SAMMSON: variants seen among roughly 807,000 people sequenced by gnomAD.
SAMMSON encodes survival associated mitochondrial melanoma specific oncogenic non-coding RNA.
chr3:70,033,068 T>G lies in SAMMSON; in HGVS notation n.417+19396T>G, dbSNP rs183228942. On this transcript the variant is annotated intron_variant and non_coding_transcript_variant, in intron 3 of 9. Transcript: ENST00000642114. ...CTGGAAGTATAAAGTGTCCAGTTACTTAATACTCCTGGGGGTAACATCTGA... is the reference window on the plus strand; with the variant it reads ...CTGGAAGTATAAAGTGTCCAGTTACGTAATACTCCTGGGGGTAACATCTGA... Among the ~76,000 whole-genome samples, 71 of 152,246 alleles carry G rather than the reference T, an allele frequency of 4.7e-4. 1 individual carries two copies. In the East Asian group the frequency reaches 0.01, roughly 22 times the overall value.
chr3:70,236,490 C>A (rs1701610274), intron 4 of SAMMSON, among the ~76,000 whole-genome samples: 1 of 152,118 alleles, frequency 6.6e-6, no homozygotes, highest in South Asian at 2.1e-4. Context: ...ATGTGTAAGC[C>A]TTCATGTATT....
intron 4 of SAMMSON, among the ~76,000 whole-genome samples, chr3:70,202,054 GTAGT>G (rs1701245367): frequency 1.3e-5 from 2 of 152,290 alleles, no homozygotes; most frequent in South Asian, 2.1e-4. Context: ...TGGTCTAATA[GTAGT>G]TAGTGACTAG....
intron 1 of SAMMSON, among the ~76,000 whole-genome samples, chr3:70,008,274 A>G (rs1208268162): frequency 6.6e-6 from 1 of 152,184 alleles, no homozygotes. Context: ...CTTCCTACCC[A>G]TGAGCATGGA....
intron 4 of SAMMSON, among the ~76,000 whole-genome samples, chr3:70,152,135 T>C (rs752053604): frequency 2.6e-5 from 4 of 151,972 alleles, no homozygotes; most frequent in Non-Finnish European, 5.9e-5. Context: ...GATACAGTTC[T>C]GGCACCTGTT....
At chr3:70,362,737 A>G (rs1022179698) in intron 9 of SAMMSON, among the ~76,000 whole-genome samples, 3 of 151,952 alleles carry the variant, frequency 2.0e-5, no homozygotes, top group Non-Finnish European at 4.4e-5. Flanking sequence ...ATTCTGTATA[A>G]ATAACTGTTA....
At chr3:70,108,440 T>TTTTTTTTTTTTTTTTTTTTTTA in intron 4 of SAMMSON, among the ~76,000 whole-genome samples, 2 of 148,488 alleles carry the variant, frequency 1.3e-5, no homozygotes, top group African/African-American at 5.0e-5. Flanking sequence ...TTTTTTTTTT[T>TTTTTTTTTTTTTTTTTTTTTTA]TATCATAACT....
chr3:70,082,176 G>T (rs2067270002), intron 4 of SAMMSON, among the ~76,000 whole-genome samples: 1 of 152,186 alleles, frequency 6.6e-6, no homozygotes, highest in South Asian at 2.1e-4. Flanking sequence ...TGGAGATCAT[G>T]GAGTGAACAA....
intron 4 of SAMMSON, among the ~76,000 whole-genome samples, chr3:70,228,841 T>A (rs1342789117): frequency 6.6e-6 from 1 of 152,138 alleles, no homozygotes; most frequent in African/African-American, 2.4e-5. Flanking sequence ...ATTCCTTAAT[T>A]CCTTTAGCTA....
chr3:70,108,423 C>CTTTTTTTTTTTTTTT lies in SAMMSON; in HGVS notation n.507+36862_507+36876dup, dbSNP rs61561713. On this transcript the variant is annotated intron_variant and non_coding_transcript_variant, in intron 4 of 9. Coordinates refer to ENST00000642114, the Ensembl canonical transcript of SAMMSON. ...TAGTGTTTCTCAACTCTTGCGGTTC[C>CTTTTTTTTTTTTTTT]TTTTTTTTTTTTTTTTTTATCATAA... 1.6e-3 allele frequency among the ~76,000 whole-genome samples: 145 copies of CTTTTTTTTTTTTTTT among 89,334 alleles called. 17 individuals are homozygous for CTTTTTTTTTTTTTTT. The highest frequency in any genetic ancestry group is 5.2e-3 in the South Asian group (10 of 1,910). 58.6% of individuals were successfully genotyped at this position (89,334 alleles called of 152,430 possible). A position where few individuals can be genotyped will look rare whatever the true frequency, so the allele number is the denominator to read the frequency against.
intron 4 of SAMMSON, among the ~76,000 whole-genome samples, chr3:70,213,753 T>C (rs1701373273): frequency 1.3e-5 from 2 of 152,234 alleles, no homozygotes; most frequent in South Asian, 4.1e-4. Flanking sequence ...TAGGTAATAA[T>C]ACAATATATA....
chr3:70,349,120 A>C (rs1389942189), intron 7 of SAMMSON, among the ~76,000 whole-genome samples: 2 of 152,156 alleles, frequency 1.3e-5, no homozygotes, highest in African/African-American at 4.8e-5. Context: ...CATGCCTGTA[A>C]TCCCAGCACT....
At chr3:70,053,163 GATT>G (rs2067152723) in intron 3 of SAMMSON, among the ~76,000 whole-genome samples, 1 of 152,080 alleles carries the variant, frequency 6.6e-6, no homozygotes, top group South Asian at 2.1e-4. Context: ...GGTGGATATG[GATT>G]ATTACTTTTC....
intron 4 of SAMMSON, among the ~76,000 whole-genome samples, chr3:70,178,072 A>C (rs1192029393): frequency 6.6e-6 from 1 of 152,184 alleles, no homozygotes; most frequent in Non-Finnish European, 1.5e-5. Flanking sequence ...GCCGTTACAC[A>C]TGCTGGCAGG....
chr3:70,345,203 G>T (rs73106688), intron 7 of SAMMSON, among the ~76,000 whole-genome samples: 3,201 of 151,968 alleles, frequency 0.021, 52 homozygotes, highest in Non-Finnish European at 0.034. Flanking sequence ...GAGTAATCTA[G>T]TTCTCAATAT....
intron 4 of SAMMSON, among the ~76,000 whole-genome samples, chr3:70,241,516 T>C (rs1446336940): frequency 6.6e-6 from 1 of 152,188 alleles, no homozygotes; most frequent in African/African-American, 2.4e-5. Context: ...AAGCCCTTTA[T>C]TTTTATTATC....
At chr3:70,191,087 T>A (rs1017036813) in intron 4 of SAMMSON, among the ~76,000 whole-genome samples, 2 of 152,222 alleles carry the variant, frequency 1.3e-5, no homozygotes, top group African/African-American at 4.8e-5. Flanking sequence ...CTTATTTTAT[T>A]TTTTAAATTT....
intron 4 of SAMMSON, among the ~76,000 whole-genome samples, chr3:70,158,010 A>C (rs2067598806): frequency 6.6e-6 from 1 of 152,092 alleles, no homozygotes; most frequent in Admixed American, 6.6e-5. Context: ...TTTAAATGTT[A>C]GGTTGAGCTT....
At position 70,313,665 on chromosome 3, in the gene SAMMSON, C is replaced by T. The variant is rs568894774; in HGVS notation, n.739+22422C>T. ...CAAGGTGGCTTGCCTCCTCCAGTGT[C>T]TTTACCTGGACAATTGTCCATTATC... On this transcript the variant is annotated intron_variant and non_coding_transcript_variant, in intron 7 of 9. Transcript: ENST00000642114. 6.6e-5 allele frequency among the ~76,000 whole-genome samples: 10 copies of T among 152,204 alleles called. No individual in the cohort carries two copies. In the East Asian group the frequency reaches 1.7e-3, roughly 27 times the overall value.
chr3:70,321,262 C>G (rs1233975662), intron 7 of SAMMSON, among the ~76,000 whole-genome samples: 1 of 152,062 alleles, frequency 6.6e-6, no homozygotes, highest in Non-Finnish European at 1.5e-5. Flanking sequence ...CCCTCCATCC[C>G]CATTCCCAGG....
Sources: gnomAD v4.1 joint callset for allele counts (sites outside exome capture counted in the v4.1 genomes callset) on GRCh38, gnomAD v4.1.1 for gene constraint, MANE v1.5 for transcripts, NCBI Gene and HGNC (gene_info 2026-07-23, HGNC 2026-07-21) for gene names.